The following COL8A1 variants were observed in gnomAD, a reference collection of about 807,000 sequenced individuals.
COL8A1 encodes the protein collagen type VIII alpha 1 chain.
COL8A1 carries 21 observed loss-of-function variants against 42.7 expected under a neutral mutation model. That is an observed-to-expected ratio of 0.49 (90% confidence interval 0.35 to 0.71). The LOEUF is 0.71. Among genes scored for constraint, COL8A1 ranks in the 30% least tolerant of loss-of-function variants. The probability of loss-of-function intolerance (pLI) is 0.01; values close to 1 mark genes in which losing one functional copy is unlikely to be tolerated. For synonymous variants in COL8A1, 367 were observed against 369.1 expected (o/e 0.99, Z 0.06); for missense variants, 788 against 962.4 (o/e 0.82, Z 2.40).
intron 1 of COL8A1, among the ~76,000 whole-genome samples, chr3:99,662,791 G>A (rs1938248974): frequency 6.6e-6 from 1 of 152,128 alleles, no homozygotes; most frequent in Admixed American, 6.5e-5. Context: ...GTGGCTTGTA[G>A]ATAATGCATC....
chr3:99,730,782 AGC>A (rs1940482557), intron 1 of COL8A1, among the ~76,000 whole-genome samples: 1 of 152,160 alleles, frequency 6.6e-6, no homozygotes, highest in African/African-American at 2.4e-5. Context: ...TTGACAAAAG[AGC>A]TCTCAGCGAA....
At chr3:99,640,700 C>T (rs1197488650) in intron 1 of COL8A1, among the ~76,000 whole-genome samples, 2 of 152,138 alleles carry the variant, frequency 1.3e-5, no homozygotes, top group African/African-American at 4.8e-5. Flanking sequence ...TCTAAGTTTC[C>T]CAGGAGCAAA....
rs1206776088 is a variant in COL8A1 at position 99,794,756 on chromosome 3, C to T, written c.855C>T (p.Pro285=). 1 of 1,596,864 alleles carries T rather than the reference C, an allele frequency of 6.3e-7. No individual in the cohort carries two copies. The highest frequency in any genetic ancestry group is 8.5e-7 in the Non-Finnish European group (1 of 1,173,996). ...GVTGFPGPQG[P]LGKPGAPGEP... ...CAGGCTTCCCTGGGCCCCAGGGCCC[C>T]CTGGGAAAGCCAGGGGCTCCAGGAG... is the stretch of plus-strand genomic sequence containing the variant. Residue 285 remains proline (P), a synonymous_variant, in exon 4 of 4, where the codon CCC becomes CCT. Transcript: ENST00000652472. The surrounding 1 kb of genome is among the most constrained non-coding windows in gnomAD (Gnocchi z 4.3).
intron 2 of COL8A1, among the ~76,000 whole-genome samples, chr3:99,769,214 T>A (rs1941529904): frequency 6.6e-6 from 1 of 152,370 alleles, no homozygotes; most frequent in Admixed American, 6.5e-5. Context: ...AGATGATGTA[T>A]GTCTGGCACC....
intron 1 of COL8A1, among the ~76,000 whole-genome samples, chr3:99,743,967 C>T (rs1020983072): frequency 1.3e-5 from 2 of 149,290 alleles, no homozygotes; most frequent in East Asian, 2.0e-4. Context: ...CTCACTCTGA[C>T]GCCCAGGCTG....
intron 1 of COL8A1, chr3:99,678,410 T>C (rs35766910): frequency 0.095 from 14,467 of 151,964 alleles, 851 homozygotes; most frequent in Middle Eastern, 0.12. Flanking sequence ...CAGAGAAGAC[T>C]TTTAGAAGGA....
At chr3:99,704,143 G>A (rs1165353888) in intron 1 of COL8A1, among the ~76,000 whole-genome samples, 1 of 152,066 alleles carries the variant, frequency 6.6e-6, no homozygotes, top group East Asian at 1.9e-4. Context: ...TAGGTAAAAT[G>A]TAACTACAGA....
At chr3:99,662,585 G>A (rs1938241718) in intron 1 of COL8A1, among the ~76,000 whole-genome samples, 1 of 152,108 alleles carries the variant, frequency 6.6e-6, no homozygotes, top group South Asian at 2.1e-4. Flanking sequence ...TCATAACAAT[G>A]TACTTATAAT....
chr3:99,759,459 A>G (rs896708566), intron 2 of COL8A1, among the ~76,000 whole-genome samples: 2 of 152,184 alleles, frequency 1.3e-5, no homozygotes, highest in African/African-American at 4.8e-5. Flanking sequence ...AAGTCATAGC[A>G]TAAACATGAG....
chr3:99,650,421 A>C (rs977455991), intron 1 of COL8A1, among the ~76,000 whole-genome samples: 1 of 152,056 alleles, frequency 6.6e-6, no homozygotes, highest in Non-Finnish European at 1.5e-5. Flanking sequence ...ATGGCTACTA[A>C]GGACTTTATT....
intron 1 of COL8A1, among the ~76,000 whole-genome samples, chr3:99,658,114 CAAAAAAACAAA>C (rs1430059113): frequency 3.2e-5 from 3 of 93,292 alleles, no homozygotes; most frequent in African/African-American, 1.0e-4. Flanking sequence ...GACTCCATCT[CAAAAAAACAAA>C]AAACAAAAAA....
Position 99,794,681 on chromosome 3 carries a change from C to T in COL8A1, c.780C>T (p.His260=), listed in dbSNP as rs775370460. The change falls in exon 4 of 4, where the codon CAC becomes CAT. Residue 260 remains histidine, a synonymous_variant. Transcript: ENST00000652472. This position sits in a 1 kb window ranked among gnomAD's most constrained non-coding sequence, Gnocchi z 4.3. ...GTGTAAAGGGGCCTCCAGGGATGCA[C>T]GGCCCTCCCGGCCCTGTTGGACTGC... The part of the protein sequence containing the change: ...APGVKGPPGM[H]GPPGPVGLPG... 102 of 1,613,166 alleles carry T rather than the reference C, an allele frequency of 6.3e-5. 4 individuals carry two copies. The South Asian group carries it at 6.5e-4, about 10-fold the overall frequency.
chr3:99,692,013 A>G (rs939818898), intron 1 of COL8A1: 2 of 152,006 alleles, frequency 1.3e-5, no homozygotes, highest in African/African-American at 4.8e-5. Flanking sequence ...ATTCCTGGAG[A>G]TACTTAGAGA....
In COL8A1 at chr3:99,650,442, A is replaced by AT. The variant is rs375180335; in HGVS notation, c.-129+11788dup. On this transcript the variant is annotated intron_variant, in intron 1 of 3. Transcript: ENST00000652472. ...ACTAAGGACTTTATTTTTATTTTTA[A>AT]TTTTTTTTTTGAGACAGAGTCTCAC... Among the ~76,000 whole-genome samples the AT allele has an allele frequency of 4.7e-3, 709 of 150,082 alleles. 6 individuals carry two copies. Among genetic ancestry groups the AT allele is most frequent in the African/African-American group, 0.015 (620 of 40,924 alleles).
chr3:99,751,639 A>T (rs936332892), intron 2 of COL8A1, among the ~76,000 whole-genome samples: 19 of 152,240 alleles, frequency 1.2e-4, no homozygotes, highest in African/African-American at 4.6e-4. Flanking sequence ...CTTGAATCTT[A>T]CTGACGAAAA....
Position 99,795,935 on chromosome 3 carries a change from A to C in COL8A1, c.2034A>C (p.Leu678=), listed in dbSNP as rs1942099652. ...HCKGGNVWVA[L]FKNNEPVMYT... The stretch of plus-strand genomic sequence containing the variant: ...AGGGGGGCAACGTGTGGGTTGCTCT[A>C]TTCAAGAACAACGAGCCCGTGATGT... Residue 678 remains leucine, a synonymous_variant, in exon 4 of 4, where the codon CTA becomes CTC. Coordinates refer to ENST00000652472, the MANE Select transcript of COL8A1 (RefSeq NM_020351.4). 1 of 1,614,022 alleles carries C rather than the reference A, an allele frequency of 6.2e-7. No individual in the cohort carries two copies. Among genetic ancestry groups the C allele is most frequent in the Non-Finnish European group, 8.5e-7 (1 of 1,180,008 alleles).
chr3:99,648,593 T>C (rs1302090348), intron 1 of COL8A1, among the ~76,000 whole-genome samples: 2 of 152,110 alleles, frequency 1.3e-5, no homozygotes, highest in East Asian at 1.9e-4. Context: ...CCTAGGGTAA[T>C]TTTTAAGGGC....
chr3:99,690,009 ACAG>A (rs1939172509), intron 1 of COL8A1, among the ~76,000 whole-genome samples: 1 of 152,242 alleles, frequency 6.6e-6, no homozygotes, highest in South Asian at 2.1e-4. Flanking sequence ...CCCTTAAAAA[ACAG>A]CATTTCCAAA....
intron 1 of COL8A1, among the ~76,000 whole-genome samples, chr3:99,717,041 C>T (rs919084851): frequency 3.3e-5 from 5 of 151,944 alleles, no homozygotes; most frequent in African/African-American, 1.2e-4. Flanking sequence ...AGCATGGAGA[C>T]AATGCTTCCT....
Sources: gnomAD v4.1 joint callset for allele counts (sites outside exome capture counted in the v4.1 genomes callset) on GRCh38, gnomAD v4.1.1 for gene constraint, Gnocchi (gnomAD v3.1) non-coding constraint, MANE v1.5 for transcripts, NCBI Gene and HGNC (gene_info 2026-07-23, HGNC 2026-07-21) for gene names.